ARHGAP17: variants seen among roughly 807,000 people sequenced by gnomAD.
The protein encoded by ARHGAP17 is rho GTPase-activating protein 17.
In ARHGAP17, 57 loss-of-function variants were observed where a neutral mutation model predicts 99.5. That is an observed-to-expected ratio of 0.57 (90% CI 0.46 to 0.71). The LOEUF is 0.71. ARHGAP17 is among the 30% of genes least tolerant of loss of function. ARHGAP17 has a pLI of 0.00. For synonymous variants in ARHGAP17, 417 were observed against 429.6 expected, an observed-to-expected ratio of 0.97 and a Z score of 0.36; for missense variants, 1,000 against 1,122.4, an observed-to-expected ratio of 0.89 and a Z score of 1.56.
rs1352413928 is a variant in ARHGAP17, at chr16:24,920,331, GAGA to G, written c.2516-74_2516-72del. On this transcript the variant is annotated intron_variant, in intron 19 of 19. Transcript: ENST00000289968. ...CCGAGAGGCCACCTGAGGGTGCTCT[GAGA>G]AGAAGAGAGGCTGGGAAGTTTCAGG... 2.5e-6 allele frequency: 4 copies of G among 1,572,888 alleles called. No homozygotes were observed. In the African/African-American group the frequency reaches 4.1e-5, roughly 16 times the overall value.
chr16:24,948,715 C>T (rs373593475), intron 13 of ARHGAP17, among the ~76,000 whole-genome samples: 1 of 151,730 alleles, frequency 6.6e-6, no homozygotes, highest in East Asian at 1.9e-4. Context: ...ACATTCCAGG[C>T]ATATCACCTG....
chr16:24,933,748 G>T (rs2051057773), intron 18 of ARHGAP17, among the ~76,000 whole-genome samples: 2 of 152,094 alleles, frequency 1.3e-5, no homozygotes, highest in South Asian at 4.1e-4. Context: ...AAAGTGTCAG[G>T]GGGAGGGGGC....
intron 19 of ARHGAP17, among the ~76,000 whole-genome samples, chr16:24,926,900 G>A (rs1338708722): frequency 1.3e-5 from 2 of 152,174 alleles, no homozygotes; most frequent in African/African-American, 2.4e-5. Flanking sequence ...CCGGGTCCGG[G>A]CGTATGAGTT....
intron 19 of ARHGAP17, 109 bp from the exon 20 acceptor site, chr16:24,920,369 T>C (rs2050689667): frequency 7.2e-7 from 1 of 1,394,812 alleles, no homozygotes; most frequent in South Asian, 1.2e-5. Context: ...GGTCAGCCCA[T>C]GCACACAGGG....
intron 1 of ARHGAP17, among the ~76,000 whole-genome samples, chr16:25,007,138 C>T (rs1315108410): frequency 6.6e-6 from 1 of 152,110 alleles, no homozygotes; most frequent in African/African-American, 2.4e-5. Context: ...CTTTCAGTCC[C>T]TTTTCCAAGA....
rs549344360 is a variant in ARHGAP17 at position 24,939,479 on chromosome 16, G to C, written c.1609C>G (p.Pro537Ala). 1.5e-5 allele frequency: 24 copies of C among 1,610,942 alleles called. No individual in the cohort carries two copies. In the African/African-American group the frequency reaches 1.9e-4, roughly 13 times the overall value. Residue 537 changes from proline (P) to alanine (A), a missense_variant, in exon 17 of 20, where the codon CCC (proline) becomes GCC (alanine). Physicochemically the swap from Pro to Ala is conservative, Grantham distance 27. Coordinates refer to ENST00000289968, the MANE Select transcript of ARHGAP17 (RefSeq NM_001006634.3). ...LPPTDGSTVV[P>A]AGPEPPPQSS... ...TGGGGAGGGGGCTCTGGGCCAGCGG[G>C]CACCACGGTGCTGCCATCTGTGGGC... is the stretch of plus-strand genomic sequence containing the variant.
At chr16:24,975,799 A>C (rs1216156657) in intron 3 of ARHGAP17, among the ~76,000 whole-genome samples, 1 of 152,194 alleles carries the variant, frequency 6.6e-6, no homozygotes, top group Non-Finnish European at 1.5e-5. Context: ...CCGCATGCTC[A>C]TAAGCTGGGG....
chr16:24,938,313 G>A (rs1008216978), intron 17 of ARHGAP17, among the ~76,000 whole-genome samples: 1 of 151,840 alleles, frequency 6.6e-6, no homozygotes, highest in East Asian at 1.9e-4. Flanking sequence ...GCAGTGAACC[G>A]AGATTGCACC....
At chr16:24,953,134 G>A (rs958625060) in intron 10 of ARHGAP17, 92 bp from the exon 11 acceptor site, 26 of 1,129,620 alleles carry the variant, frequency 2.3e-5, no homozygotes, top group Middle Eastern at 2.1e-4. Flanking sequence ...CCTGACTTCC[G>A]CTCACCTCCT....
chr16:25,010,927 C>G (rs2053628642), intron 1 of ARHGAP17, among the ~76,000 whole-genome samples: 1 of 152,220 alleles, frequency 6.6e-6, no homozygotes, highest in Non-Finnish European at 1.5e-5. Context: ...ATTCAGACCT[C>G]CAAGGGAAAC....
intron 1 of ARHGAP17, among the ~76,000 whole-genome samples, chr16:24,995,864 TCA>T (rs977124927): frequency 4.8e-4 from 73 of 152,274 alleles, no homozygotes; most frequent in African/African-American, 1.7e-3. Flanking sequence ...AAAACTGCAC[TCA>T]CTTTACTTCT....
intron 1 of ARHGAP17, among the ~76,000 whole-genome samples, chr16:24,988,565 CAATCTT>C (rs1408688801): frequency 6.6e-6 from 1 of 152,166 alleles, no homozygotes; most frequent in African/African-American, 2.4e-5. Flanking sequence ...AAAGCCTTCT[CAATCTT>C]AACTTAATCT....
In ARHGAP17 at chr16:24,937,585, G is replaced by A. The variant is rs561622307; in HGVS notation, c.1724+1779C>T. Among the ~76,000 whole-genome samples the A allele has an allele frequency of 2.4e-4, 37 of 152,354 alleles. No homozygotes were observed. The East Asian group carries it at 6.5e-3, about 27-fold the overall frequency. ...ATTGACAAGCTAACGTGCAGCCTAT[G>A]AGGTGCACGGGAAGCCCTAAGAAGT... On this transcript the variant is annotated intron_variant, in intron 17 of 19. Transcript: ENST00000289968.
intron 19 of ARHGAP17, among the ~76,000 whole-genome samples, chr16:24,922,595 C>T (rs2050744728): frequency 6.6e-6 from 1 of 151,978 alleles, no homozygotes; most frequent in Admixed American, 6.6e-5. Context: ...TTTGTTTACA[C>T]ACAAAAAGTA....
At chr16:24,973,126 T>C (rs189233043) in intron 3 of ARHGAP17, among the ~76,000 whole-genome samples, 286 of 152,294 alleles carry the variant, frequency 1.9e-3, no homozygotes, top group Non-Finnish European at 3.2e-3. Flanking sequence ...TGCAGCACCA[T>C]GCCTGGCCAG....
Position 24,943,697 on chromosome 16 carries a change from G to A in ARHGAP17, c.1333+74C>T, listed in dbSNP as rs146431330. On this transcript the variant is annotated intron_variant, in intron 15 of 19. Coordinates refer to ENST00000289968, the MANE Select transcript of ARHGAP17 (RefSeq NM_001006634.3). ...GTAATCATGAAGAAGGATTACAGAT[G>A]TATTCTCTTAAGAAGACTTTTTGTA... The A allele has an allele frequency of 1.8e-4, 234 of 1,287,478 alleles. No individual in the cohort carries two copies. In the African/African-American group the frequency reaches 3.0e-3, roughly 17 times the overall value. 79.8% of individuals were successfully genotyped at this position (1,287,478 alleles called of 1,614,324 possible).
chr16:24,938,700 A>T lies in ARHGAP17; in HGVS notation c.1724+664T>A, dbSNP rs537553057. On this transcript the variant is annotated intron_variant, in intron 17 of 19. Transcript: ENST00000289968. The stretch of plus-strand genomic sequence containing the variant: ...GGTAGGAGGATTGCTTGGGCCTAGG[A>T]GGCGGAGGGTGCAGTGAGCTACGAT... Among the ~76,000 whole-genome samples the T allele has an allele frequency of 7.4e-5, 11 of 148,076 alleles. No individual in the cohort carries two copies. In the Admixed American group the frequency reaches 7.6e-4, roughly 10 times the overall value.
chr16:24,986,838 CATA>C (rs1404815097), intron 1 of ARHGAP17, among the ~76,000 whole-genome samples: 2 of 152,226 alleles, frequency 1.3e-5, no homozygotes, highest in Admixed American at 1.3e-4. Flanking sequence ...CATTCTGCCT[CATA>C]GGCAAGCAGC....
intron 1 of ARHGAP17, among the ~76,000 whole-genome samples, chr16:25,011,999 T>C (rs921257238): frequency 3.9e-5 from 6 of 152,166 alleles, no homozygotes; most frequent in African/African-American, 1.4e-4. Context: ...ACTTATCTCA[T>C]GTATATAATT....
Sources: allele counts gnomAD v4.1 joint callset (sites outside exome capture counted in the v4.1 genomes callset), GRCh38; gene constraint gnomAD v4.1.1; transcripts MANE v1.5; gene names NCBI Gene and HGNC (gene_info 2026-07-23, HGNC 2026-07-21).